ALDH3B2: variants seen among roughly 807,000 people sequenced by gnomAD.
ALDH3B2 encodes the protein aldehyde dehydrogenase 3 family member B2.
ALDH3B2 carries 45 observed loss-of-function variants against 36.7 expected under a neutral mutation model. That is an observed-to-expected ratio of 1.23 (90% CI 0.97 to 1.57). ALDH3B2 has a LOEUF of 1.57. Ranked by LOEUF, ALDH3B2 falls within the 40% of genes most tolerant of loss-of-function variation. The pLI, the probability that ALDH3B2 is intolerant of heterozygous loss-of-function variation, is 0.00. For missense variants in ALDH3B2, 464 were observed against 513.3 expected, an observed-to-expected ratio of 0.90 and a Z score of 0.93; for synonymous variants, 217 against 226.5, an observed-to-expected ratio of 0.96 and a Z score of 0.38.
intron 1 of ALDH3B2, among the ~76,000 whole-genome samples, chr11:67,670,667 G>A (rs891597519): frequency 1.3e-5 from 2 of 152,120 alleles, no homozygotes; most frequent in South Asian, 2.1e-4. Flanking sequence ...GCCCCTGCCC[G>A]GCTCAGGTCC....
At chr11:67,677,997 C>G (rs1387358817), upstream of ALDH3B2, among the ~76,000 whole-genome samples, 1 of 152,190 alleles carries the variant, frequency 6.6e-6, no homozygotes, top group Non-Finnish European at 1.5e-5. Context: ...ACATCCCATG[C>G]TCATGGATGG....
chr11:67,678,636 C>CATATATATATATATATATATAT (rs34057662), upstream of ALDH3B2, among the ~76,000 whole-genome samples: 17 of 146,662 alleles, frequency 1.2e-4, no homozygotes, highest in African/African-American at 3.8e-4. Flanking sequence ...TACTATGGTA[C>CATATATATATATATATATATAT]ATATATATAT....
intron 1 of ALDH3B2, among the ~76,000 whole-genome samples, chr11:67,680,953 A>G (rs958237339): frequency 6.6e-6 from 1 of 152,134 alleles, no homozygotes; most frequent in Non-Finnish European, 1.5e-5. Context: ...GGTTTGAGGG[A>G]TATTGTTAGC....
At chr11:67,679,503 G>A (rs780685353), upstream of ALDH3B2, among the ~76,000 whole-genome samples, 336 of 151,870 alleles carry the variant, frequency 2.2e-3, 2 homozygotes, top group Non-Finnish European at 2.7e-3. Flanking sequence ...AACAAAGCCA[G>A]GCACAGTGGC....
At chr11:67,663,697 T>C (rs775654360) in exon 9 of ALDH3B2, 8 of 1,612,906 alleles carry the variant, frequency 5.0e-6, no homozygotes, top group Non-Finnish European at 5.9e-6. Flanking sequence ...CAGAGATATG[T>C]AGGTGAAGCC....
exon 8 of ALDH3B2, chr11:67,664,415 G>C: frequency 6.2e-7 from 1 of 1,614,150 alleles, no homozygotes; most frequent in South Asian, 1.1e-5. Flanking sequence ...GTTGGAGAAG[G>C]CGTACAGGGC....
intron 3 of ALDH3B2, 81 bp downstream of exon 3, chr11:67,666,825 G>A: frequency 6.2e-7 from 1 of 1,610,194 alleles, no homozygotes; most frequent in Non-Finnish European, 8.5e-7. Flanking sequence ...CTCGCCCGGG[G>A]CCTCAGGGGC....
exon 2 of ALDH3B2, chr11:67,667,605 C>T: frequency 2.8e-6 from 1 of 359,304 alleles, no homozygotes; most frequent in Middle Eastern, 8.3e-4. Flanking sequence ...CCTCACGCAG[C>T]CGCCGCAGCG....
intron 7 of ALDH3B2, 72 bp from the exon 8 acceptor site, chr11:67,664,634 G>C: frequency 6.4e-7 from 1 of 1,573,078 alleles, no homozygotes; most frequent in South Asian, 1.1e-5. Context: ...GTAGAGGTGG[G>C]GACAGGGGCA....
intron 1 of ALDH3B2, among the ~76,000 whole-genome samples, chr11:67,672,085 A>ATATGTGTG (rs1555037199): frequency 1.9e-5 from 1 of 52,838 alleles, no homozygotes; most frequent in African/African-American, 7.4e-5. Context: ...ATATATATAT[A>ATATGTGTG]TATGTATGTA....
At chr11:67,667,003 GC>G in exon 3 of ALDH3B2, 1 of 1,593,734 alleles carries the variant, frequency 6.3e-7, no homozygotes, top group East Asian at 2.2e-5. Context: ...AGATATGTCT[GC>G]CTCGAAAGCT....
At chr11:67,668,760 G>A (rs1442170040) in intron 1 of ALDH3B2, among the ~76,000 whole-genome samples, 1 of 142,312 alleles carries the variant, frequency 7.0e-6, no homozygotes, top group Non-Finnish European at 1.5e-5. Flanking sequence ...TGGGTGCTGT[G>A]TGTCTTTGTG....
chr11:67,664,398 GGCT>G (rs1237775610), exon 8 of ALDH3B2: 1 of 1,613,946 alleles, frequency 6.2e-7, no homozygotes, highest in Non-Finnish European at 8.5e-7. Flanking sequence ...ACCCCCACCT[GGCT>G]GCTGTTGGAG....
In ALDH3B2 at chr11:67,666,678, G is replaced by T; in HGVS notation, c.47C>A (p.Ser16Ter). The T allele has an allele frequency of 6.2e-7, 1 of 1,614,148 alleles. No individual in the cohort carries two copies. Among genetic ancestry groups the T allele is most frequent in the Non-Finnish European group, 8.5e-7 (1 of 1,180,002 alleles). ...AAAGGGTTCCTTCCAGATGAAGACCGAGTCCAGCTTCATGAACTGAGGCAC... is the reference window on the plus strand; with the variant it reads ...AAAGGGTTCCTTCCAGATGAAGACCTAGTCCAGCTTCATGAACTGAGGCAC... Residue 16 changes from serine to a stop codon, truncating the protein, a stop_gained, in exon 4 of 10, where the codon TCG becomes TAG. Coordinates refer to ENST00000349015, the Ensembl canonical transcript of ALDH3B2. LOFTEE classifies it high-confidence loss of function.
At chr11:67,677,774 T>C (rs547926522), upstream of ALDH3B2, among the ~76,000 whole-genome samples, 6 of 152,212 alleles carry the variant, frequency 3.9e-5, no homozygotes, top group African/African-American at 1.2e-4. Context: ...ACAAAATTAA[T>C]GTACACAAAT....
At chr11:67,663,237 G>A in exon 10 of ALDH3B2, 5 of 1,611,682 alleles carry the variant, frequency 3.1e-6, no homozygotes, top group Non-Finnish European at 4.2e-6. Flanking sequence ...GCAGCTCTGG[G>A]AGCCCATGCC....
At chr11:67,665,427 G>T in exon 7 of ALDH3B2, 1 of 1,614,094 alleles carries the variant, frequency 6.2e-7, no homozygotes, top group Non-Finnish European at 8.5e-7. Context: ...CATAGAAACG[G>T]GTGATGGTGC....
At chr11:67,668,651 T>C (rs1325673791) in intron 1 of ALDH3B2, among the ~76,000 whole-genome samples, 1 of 152,048 alleles carries the variant, frequency 6.6e-6, no homozygotes, top group South Asian at 2.1e-4. Context: ...TGTATGGCTG[T>C]CTGTCTTTGT....
exon 7 of ALDH3B2, chr11:67,665,472 G>A (rs533187490): frequency 4.8e-5 from 77 of 1,613,980 alleles, no homozygotes; most frequent in Admixed American, 8.3e-5. Context: ...CCTGCATCTC[G>A]GGGCTGCACA....
Sources: allele counts gnomAD v4.1 joint callset (sites outside exome capture counted in the v4.1 genomes callset), GRCh38; gene constraint gnomAD v4.1.1; transcripts MANE v1.5; gene names NCBI Gene and HGNC (gene_info 2026-07-23, HGNC 2026-07-21).